Variants in ACTR3C observed in about 807,000 individuals in gnomAD.
The protein encoded by ACTR3C is actin related protein 3C.
Under a neutral mutation model 26.3 loss-of-function variants are expected in ACTR3C, and 18 were observed. That is an observed-to-expected ratio of 0.68 (90% CI 0.47 to 1.01). The LOEUF (loss-of-function observed/expected upper bound fraction) is 1.01, where lower values mean the gene tolerates loss of function less well. Ranked by LOEUF, ACTR3C falls within the 50% of genes least tolerant of loss-of-function variation. The pLI, the probability that ACTR3C is intolerant of heterozygous loss-of-function variation, is 0.00. For missense variants in ACTR3C, 184 were observed against 250.7 expected, an observed-to-expected ratio of 0.73 and a Z score of 1.80; for synonymous variants, 55 against 94.5, an observed-to-expected ratio of 0.58 and a Z score of 2.42.
the ACTR3C span, among the ~76,000 whole-genome samples, chr7:150,233,769 C>T: frequency 2.0e-5 from 3 of 148,496 alleles, no homozygotes; most frequent in African/African-American, 7.7e-5. Context: ...AAATCTAAAA[C>T]AGTTATTTTA....
the ACTR3C span, among the ~76,000 whole-genome samples, chr7:149,970,037 G>A: frequency 1.6e-4 from 24 of 152,022 alleles, no homozygotes; most frequent in Non-Finnish European, 3.1e-4. Context: ...TAGAAAATAG[G>A]GATATTTTGA....
chr7:150,032,036 C>G, the ACTR3C span, among the ~76,000 whole-genome samples: 1 of 152,256 alleles, frequency 6.6e-6, no homozygotes, highest in African/African-American at 2.4e-5. Context: ...CACAGCCTTG[C>G]CCCTTCTTCC....
At chr7:149,948,456 C>A in the ACTR3C span, among the ~76,000 whole-genome samples, 1 of 150,984 alleles carries the variant, frequency 6.6e-6, no homozygotes, top group African/African-American at 2.5e-5. Context: ...CACGGTCACA[C>A]GTCAGAAAGC....
chr7:150,162,361 T>C, the ACTR3C span, among the ~76,000 whole-genome samples: 1 of 152,014 alleles, frequency 6.6e-6, no homozygotes, highest in African/African-American at 2.4e-5. Flanking sequence ...AGTCTCGCTC[T>C]GTTGCCCAGG....
the ACTR3C span, among the ~76,000 whole-genome samples, chr7:149,976,075 C>T: frequency 6.6e-6 from 1 of 152,190 alleles, no homozygotes; most frequent in Non-Finnish European, 1.5e-5. Flanking sequence ...CAAGAATTTC[C>T]TTCAACTTTG....
At chr7:150,217,222 C>A in the ACTR3C span, among the ~76,000 whole-genome samples, 3 of 150,126 alleles carry the variant, frequency 2.0e-5, no homozygotes, top group Non-Finnish European at 4.4e-5. Flanking sequence ...GGAGGTTAAG[C>A]AACTTATCCA....
the ACTR3C span, among the ~76,000 whole-genome samples, chr7:149,886,561 C>T: frequency 6.6e-6 from 1 of 152,176 alleles, no homozygotes; most frequent in Non-Finnish European, 1.5e-5. Flanking sequence ...ATACCATTTG[C>T]AAGGCTACAG....
chr7:150,180,319 A>T, the ACTR3C span, among the ~76,000 whole-genome samples: 5 of 149,954 alleles, frequency 3.3e-5, no homozygotes, highest in Admixed American at 6.6e-5. Context: ...AACAAAAACA[A>T]AAACAAAAAA....
the ACTR3C span, among the ~76,000 whole-genome samples, chr7:149,953,920 G>A: frequency 2.6e-4 from 36 of 138,882 alleles, no homozygotes; most frequent in African/African-American, 8.5e-4. Flanking sequence ...GGAACAATCC[G>A]CTTTGGCATA....
chr7:150,045,578 A>G, the ACTR3C span, among the ~76,000 whole-genome samples: 8 of 151,888 alleles, frequency 5.3e-5, no homozygotes, highest in African/African-American at 1.9e-4. Context: ...AAAAAAAAAA[A>G]GCATGTCAGG....
chr7:149,962,474 G>A, the ACTR3C span, among the ~76,000 whole-genome samples: 35 of 152,132 alleles, frequency 2.3e-4, no homozygotes, highest in East Asian at 6.8e-3. Context: ...AGGGAGCCCA[G>A]CCATGTGGAA....
intron 1 of ACTR3C, among the ~76,000 whole-genome samples, chr7:150,299,050 G>A (rs1373685456): frequency 5.6e-5 from 8 of 143,560 alleles, no homozygotes; most frequent in South Asian, 2.2e-4. Context: ...GCCCAATCTC[G>A]GATCTCTGGG....
chr7:150,320,073 G>C (rs1236081574), intron 1 of ACTR3C, among the ~76,000 whole-genome samples: 2 of 152,220 alleles, frequency 1.3e-5, no homozygotes, highest in African/African-American at 4.8e-5. Context: ...ATTAACGCTG[G>C]AAAGGGACCA....
At chr7:150,092,013 A>AAAAT in the ACTR3C span, among the ~76,000 whole-genome samples, 1 of 145,564 alleles carries the variant, frequency 6.9e-6, no homozygotes, top group Non-Finnish European at 1.5e-5. Context: ...AAAAAAAAAA[A>AAAAT]AAAAAAAAAG....
chr7:150,029,408 A>C, the ACTR3C span, among the ~76,000 whole-genome samples: 243 of 101,458 alleles, frequency 2.4e-3, 10 homozygotes, highest in Non-Finnish European at 2.7e-3. Context: ...AAAAACAAAA[A>C]AAAAAAAAAC....
At chr7:150,095,488 T>G in the ACTR3C span, among the ~76,000 whole-genome samples, 5 of 150,746 alleles carry the variant, frequency 3.3e-5, no homozygotes, top group African/African-American at 1.2e-4. Flanking sequence ...GTCTCCAAGA[T>G]GAAATCTGAA....
chr7:150,198,935 G>C, the ACTR3C span, among the ~76,000 whole-genome samples: 1 of 144,126 alleles, frequency 6.9e-6, no homozygotes, highest in East Asian at 2.1e-4. Flanking sequence ...GGAGGTGGGG[G>C]GGTCAGCCCC....
the ACTR3C span, among the ~76,000 whole-genome samples, chr7:150,085,125 C>G: frequency 6.6e-6 from 1 of 152,114 alleles, no homozygotes; most frequent in Non-Finnish European, 1.5e-5. Context: ...ATGAGGAGCT[C>G]TCTTCTGGCC....
At chr7:150,013,722 C>T in the ACTR3C span, among the ~76,000 whole-genome samples, 1 of 152,192 alleles carries the variant, frequency 6.6e-6, no homozygotes, top group Non-Finnish European at 1.5e-5. Flanking sequence ...ACCATCTATA[C>T]CTAGACCTCA....
Sources: gnomAD v4.1 joint callset for allele counts (sites outside exome capture counted in the v4.1 genomes callset) on GRCh38, gnomAD v4.1.1 for gene constraint, MANE v1.5 for transcripts, NCBI Gene and HGNC (gene_info 2026-07-23, HGNC 2026-07-21) for gene names.